Variants in RYR2 observed in about 807,000 individuals in gnomAD.
RYR2 encodes the protein ryanodine receptor 2.
A neutral mutation model predicts 601.1 loss-of-function variants in RYR2; 227 were observed. The ratio of observed to expected loss-of-function variants is 0.38; its 90% confidence interval spans 0.34 to 0.42. The LOEUF is 0.42. Among genes scored for constraint, RYR2 ranks in the 10% least tolerant of loss-of-function variants. The pLI, the probability that RYR2 is intolerant of heterozygous loss-of-function variation, is 1.00. For missense variants in RYR2, 4,646 were observed against 6,156.5 expected (o/e 0.75, Z 8.21); for synonymous variants, 2,223 against 2,175.1 (o/e 1.02, Z -0.61).
chr1:237,076,281 A>AT, intron 1 of RYR2, among the ~76,000 whole-genome samples: 1 of 17,426 alleles, frequency 5.7e-5, no homozygotes, highest in Non-Finnish European at 8.6e-5. Flanking sequence ...ATGGAGAATG[A>AT]TTTTGACGAG....
intron 29 of RYR2, among the ~76,000 whole-genome samples, chr1:237,574,800 T>C (rs1673060837): frequency 6.6e-6 from 1 of 152,068 alleles, no homozygotes; most frequent in South Asian, 2.1e-4. Context: ...ACCAGGGAGC[T>C]TGGAAGATGA....
intron 1 of RYR2, among the ~76,000 whole-genome samples, chr1:237,075,312 C>T (rs1664881931): frequency 6.6e-6 from 1 of 151,774 alleles, no homozygotes; most frequent in Non-Finnish European, 1.5e-5. Flanking sequence ...TCTACAGCTC[C>T]CAGCGTGAGC....
At chr1:237,604,386 C>A (rs1237250388) in intron 35 of RYR2, among the ~76,000 whole-genome samples, 1 of 151,984 alleles carries the variant, frequency 6.6e-6, no homozygotes, top group East Asian at 1.9e-4. Context: ...AGAACAAAGA[C>A]ACAACATACC....
In RYR2 at chr1:237,380,404, A is replaced by AC. The variant is rs1462032408; in HGVS notation, c.576+2969_576+2970insC. Among the ~76,000 whole-genome samples the AC allele has an allele frequency of 1.1e-4, 4 of 35,620 alleles. No individual in the cohort carries two copies. In the East Asian group the frequency reaches 5.3e-3, roughly 47 times the overall value. The allele number at this position is 35,620 out of a possible 152,430, so 23.4% of individuals were successfully genotyped here. On this transcript the variant is annotated intron_variant, in intron 8 of 104. Transcript: ENST00000366574. ...TATATATATATATATATATATATAT[A>AC]TATATATATATATATATAGTAAATA...
At chr1:237,208,064 G>A (rs573158253) in intron 1 of RYR2, among the ~76,000 whole-genome samples, 104 of 152,302 alleles carry the variant, frequency 6.8e-4, no homozygotes, top group African/African-American at 2.0e-3. Flanking sequence ...GTTGACCAGC[G>A]GGAGTTGTGG....
At chr1:237,303,893 A>G (rs1460542118) in intron 2 of RYR2, among the ~76,000 whole-genome samples, 1 of 152,216 alleles carries the variant, frequency 6.6e-6, no homozygotes, top group Non-Finnish European at 1.5e-5. Flanking sequence ...ATCCAACTGG[A>G]TAGTCCTAGT....
intron 25 of RYR2, among the ~76,000 whole-genome samples, chr1:237,539,879 G>A (rs772316404): frequency 6.6e-6 from 1 of 151,748 alleles, no homozygotes; most frequent in Non-Finnish European, 1.5e-5. Flanking sequence ...GCCAATTTTT[G>A]TGTACATCTT....
intron 36 of RYR2, 126 bp downstream of exon 36, chr1:237,611,114 T>A: frequency 1.4e-6 from 1 of 734,808 alleles, no homozygotes; most frequent in Non-Finnish European, 2.2e-6. Context: ...TACAAAGATC[T>A]AAATTCTTTA....
intron 17 of RYR2, among the ~76,000 whole-genome samples, chr1:237,479,816 C>T (rs575578633): frequency 7.2e-5 from 11 of 152,240 alleles, no homozygotes; most frequent in African/African-American, 2.6e-4. Context: ...TGCATTACTC[C>T]ACTGGATTTC....
intron 80 of RYR2, among the ~76,000 whole-genome samples, chr1:237,744,517 G>A (rs539140421): frequency 2.0e-4 from 31 of 151,980 alleles, no homozygotes; most frequent in African/African-American, 3.4e-4. Flanking sequence ...TTAGCCGGGC[G>A]TGGTAGTGCA....
At chr1:237,812,530 T>C (rs977188099) in intron 100 of RYR2, among the ~76,000 whole-genome samples, 5 of 152,196 alleles carry the variant, frequency 3.3e-5, no homozygotes. Flanking sequence ...GCTCAAATAT[T>C]GCAATTGAGA....
chr1:237,829,538 C>T (rs1195529915), intron 102 of RYR2, among the ~76,000 whole-genome samples: 4 of 152,088 alleles, frequency 2.6e-5, no homozygotes, highest in African/African-American at 7.2e-5. Context: ...ACAGGTTCAT[C>T]GGTAAAGCTG....
At chr1:237,282,642 A>T (rs147031346) in intron 2 of RYR2, among the ~76,000 whole-genome samples, 222 of 152,340 alleles carry the variant, frequency 1.5e-3, no homozygotes, top group African/African-American at 5.0e-3. Context: ...TACTTATGTC[A>T]GGAGCTACTG....
At chr1:237,264,848 A>G (rs1280778737) in intron 1 of RYR2, among the ~76,000 whole-genome samples, 1 of 151,276 alleles carries the variant, frequency 6.6e-6, no homozygotes, top group African/African-American at 2.4e-5. Flanking sequence ...GGTACCCACC[A>G]CCATGCCTGG....
chr1:237,289,246 G>A (rs1691941644), intron 2 of RYR2, among the ~76,000 whole-genome samples: 2 of 152,020 alleles, frequency 1.3e-5, no homozygotes, highest in Non-Finnish European at 2.9e-5. Flanking sequence ...AGCTGATCTG[G>A]GTCTAAAATT....
chr1:237,796,891 TCTC>T (rs1659309863), intron 96 of RYR2, among the ~76,000 whole-genome samples: 1 of 152,062 alleles, frequency 6.6e-6, no homozygotes, highest in South Asian at 2.1e-4. Flanking sequence ...TTCAAGTGAT[TCTC>T]CTACCTCAGT....
At chr1:237,451,565 A>G (rs1176300282) in intron 14 of RYR2, among the ~76,000 whole-genome samples, 1 of 132,102 alleles carries the variant, frequency 7.6e-6, no homozygotes, top group African/African-American at 2.9e-5. Context: ...TGGGTGACAG[A>G]GTGAAACTCT....
chr1:237,710,511 C>T (rs1456956237), intron 70 of RYR2, among the ~76,000 whole-genome samples: 1 of 152,026 alleles, frequency 6.6e-6, no homozygotes, highest in Non-Finnish European at 1.5e-5. Context: ...TAAAAACATA[C>T]ATTAAAAACA....
Position 237,506,745 on chromosome 1 carries a change from A to G in RYR2, c.2649A>G (p.Glu883=). Residue 883 remains glutamate, a synonymous_variant, in exon 23 of 105, where the codon GAA becomes GAG. Transcript: ENST00000366574. ...VLPPHLERIR[E]KLAENIHELW... ...CTCCTCATCTAGAAAGAATAAGAGAAAAACTGGCAGAGAATATCCATGAAC... is the reference window on the plus strand; with the variant it reads ...CTCCTCATCTAGAAAGAATAAGAGAGAAACTGGCAGAGAATATCCATGAAC... 6.2e-7 allele frequency: 1 copy of G among 1,613,746 alleles called. No homozygotes were observed. The highest frequency in any genetic ancestry group is 8.5e-7 in the Non-Finnish European group (1 of 1,179,762).
Sources: gnomAD v4.1 joint callset for allele counts (sites outside exome capture counted in the v4.1 genomes callset) on GRCh38, gnomAD v4.1.1 for gene constraint, MANE v1.5 for transcripts, NCBI Gene and HGNC (gene_info 2026-07-23, HGNC 2026-07-21) for gene names.